The following GRM7 variants were observed in gnomAD, a reference collection of about 807,000 sequenced individuals.
GRM7 encodes the protein glutamate metabotropic receptor 7, also known as metabotropic glutamate receptor 7.
A neutral mutation model predicts 84.5 loss-of-function variants in GRM7; 35 were observed. The observed-to-expected ratio is 0.41, with a 90% CI of 0.32 to 0.55. GRM7 has a LOEUF of 0.55. Among genes scored for constraint, GRM7 ranks in the 20% least tolerant of loss-of-function variants. GRM7 has a pLI of 0.19. For missense variants in GRM7, 1,003 were observed against 1,194.6 expected (o/e 0.84, Z 2.36); for synonymous variants, 487 against 455.1 (o/e 1.07, Z -0.89).
At chr3:6,946,979 A>G (rs1221988295) in intron 1 of GRM7, among the ~76,000 whole-genome samples, 1 of 152,206 alleles carries the variant, frequency 6.6e-6, no homozygotes, top group Non-Finnish European at 1.5e-5. Flanking sequence ...TTCTAGATAT[A>G]CAATCATGTC....
chr3:6,968,785 G>GCAT (rs1183412022), intron 1 of GRM7, among the ~76,000 whole-genome samples: 1 of 152,068 alleles, frequency 6.6e-6, no homozygotes, highest in Admixed American at 6.6e-5. Flanking sequence ...ATCTTTCAAG[G>GCAT]CATCATGAAA....
intron 4 of GRM7, among the ~76,000 whole-genome samples, chr3:7,360,698 T>A (rs1314524985): frequency 6.6e-6 from 1 of 152,136 alleles, no homozygotes; most frequent in East Asian, 1.9e-4. Flanking sequence ...GTTTTATCAA[T>A]CTGTAAGGTT....
At chr3:7,120,126 G>A (rs1266435083) in intron 1 of GRM7, among the ~76,000 whole-genome samples, 2 of 151,904 alleles carry the variant, frequency 1.3e-5, no homozygotes, top group Non-Finnish European at 2.9e-5. Flanking sequence ...TCTTCAGGAG[G>A]AAAATTAGAA....
intron 9 of GRM7, among the ~76,000 whole-genome samples, chr3:7,723,588 C>G (rs932109459): frequency 6.6e-6 from 1 of 152,164 alleles, no homozygotes; most frequent in African/African-American, 2.4e-5. Context: ...TTGGCTCACA[C>G]CAGTAATCCC....
At chr3:7,478,887 C>T (rs1003456761) in intron 7 of GRM7, among the ~76,000 whole-genome samples, 2 of 152,136 alleles carry the variant, frequency 1.3e-5, no homozygotes, top group African/African-American at 4.8e-5. Context: ...AAAACCTTCC[C>T]TAATTCTTAA....
chr3:7,070,477 A>G (rs1296257712), intron 1 of GRM7, among the ~76,000 whole-genome samples: 1 of 152,116 alleles, frequency 6.6e-6, no homozygotes, highest in Non-Finnish European at 1.5e-5. Context: ...TTATTTAATC[A>G]TTTTTGCTTC....
intron 2 of GRM7, among the ~76,000 whole-genome samples, chr3:7,186,683 C>T (rs1250386731): frequency 2.6e-5 from 4 of 152,146 alleles, no homozygotes; most frequent in Admixed American, 6.5e-5. Flanking sequence ...AGCTCTAAAA[C>T]ACATTTAATG....
At chr3:7,115,110 C>T (rs1368231526) in intron 1 of GRM7, among the ~76,000 whole-genome samples, 4 of 152,150 alleles carry the variant, frequency 2.6e-5, no homozygotes, top group African/African-American at 7.2e-5. Context: ...TATTCTAAGT[C>T]ACAGAGAAAC....
At chr3:7,681,681 G>C (rs1575625933) in intron 9 of GRM7, 1 of 152,330 alleles carries the variant, frequency 6.6e-6, no homozygotes, top group East Asian at 1.9e-4. Context: ...GAGGGCAAGT[G>C]GATGGTGACT....
chr3:7,054,747 CTCTT>C (rs1203118578), intron 1 of GRM7, among the ~76,000 whole-genome samples: 5 of 151,848 alleles, frequency 3.3e-5, no homozygotes, highest in African/African-American at 1.2e-4. Context: ...GTCTGTCTCT[CTCTT>C]TCTCTCTCTC....
chr3:6,983,894 T>C (rs570538015), intron 1 of GRM7, among the ~76,000 whole-genome samples: 8 of 152,142 alleles, frequency 5.3e-5, no homozygotes, highest in African/African-American at 1.7e-4. Context: ...AACAATTAGA[T>C]ATTTAACAAT....
intron 2 of GRM7, among the ~76,000 whole-genome samples, chr3:7,235,752 G>A (rs1266008812): frequency 6.6e-6 from 1 of 152,132 alleles, no homozygotes; most frequent in African/African-American, 2.4e-5. Flanking sequence ...AACAAGATGT[G>A]AGGAATATAA....
At chr3:7,040,640 T>C (rs1696566734) in intron 1 of GRM7, among the ~76,000 whole-genome samples, 1 of 151,864 alleles carries the variant, frequency 6.6e-6, no homozygotes, top group African/African-American at 2.4e-5. Flanking sequence ...CCTACTCCTA[T>C]TGTCTAGGAT....
chr3:7,433,308 C>A lies in GRM7; in HGVS notation c.1174+18145C>A, dbSNP rs192493195. Reference sequence around the variant, plus strand: ...AGTTATTTGGCATAATAGTGATGCACGTGTTTACACTTCCATTCCTTCCCA... The same window carrying A: ...AGTTATTTGGCATAATAGTGATGCAAGTGTTTACACTTCCATTCCTTCCCA... On this transcript the variant is annotated intron_variant, in intron 5 of 9. Coordinates refer to ENST00000357716, the MANE Select transcript of GRM7 (RefSeq NM_000844.4). Among the ~76,000 whole-genome samples the A allele has an allele frequency of 1.4e-3, 208 of 152,294 alleles. 1 individual carries two copies. The highest frequency in any genetic ancestry group is 2.6e-3 in the Non-Finnish European group (175 of 68,022).
At chr3:7,326,180 A>G (rs1508710) in intron 4 of GRM7, among the ~76,000 whole-genome samples, 3,850 of 150,514 alleles carry the variant, frequency 0.026, 129 homozygotes, top group African/African-American at 0.078. Flanking sequence ...CAAAAAAAAA[A>G]GAAAAAAAAA....
At chr3:7,307,656 A>G (rs1227048946) in intron 4 of GRM7, among the ~76,000 whole-genome samples, 1 of 152,172 alleles carries the variant, frequency 6.6e-6, no homozygotes, top group East Asian at 1.9e-4. Flanking sequence ...TTTCACTGGG[A>G]GGCTTTGAAT....
intron 7 of GRM7, among the ~76,000 whole-genome samples, chr3:7,501,004 C>A (rs1699865966): frequency 6.6e-6 from 1 of 152,196 alleles, no homozygotes; most frequent in African/African-American, 2.4e-5. Context: ...TTCATCTATG[C>A]AAGACACTGA....
intron 2 of GRM7, among the ~76,000 whole-genome samples, chr3:7,227,794 A>G (rs1159087799): frequency 6.6e-6 from 1 of 152,192 alleles, no homozygotes; most frequent in Non-Finnish European, 1.5e-5. Context: ...ATATTGAATA[A>G]GACTTCTCTG....
chr3:7,488,308 A>G (rs1203383392), intron 7 of GRM7, among the ~76,000 whole-genome samples: 1 of 152,106 alleles, frequency 6.6e-6, no homozygotes, highest in East Asian at 1.9e-4. Flanking sequence ...GGAGAATGTG[A>G]ATTTCCTCAC....
Sources: allele counts gnomAD v4.1 joint callset (sites outside exome capture counted in the v4.1 genomes callset), GRCh38; gene constraint gnomAD v4.1.1; transcripts MANE v1.5; gene names NCBI Gene and HGNC (gene_info 2026-07-23, HGNC 2026-07-21).